SEMA5A: variants seen among roughly 807,000 people sequenced by gnomAD.
SEMA5A encodes semaphorin 5A, also known as semaphorin-5A.
In SEMA5A, 55 loss-of-function variants were observed where a neutral mutation model predicts 135.5. The observed-to-expected ratio is 0.41, with a 90% CI of 0.33 to 0.51. SEMA5A has a LOEUF of 0.51. Among genes scored for constraint, SEMA5A ranks in the 20% least tolerant of loss-of-function variants. SEMA5A has a pLI of 0.37. For synonymous variants in SEMA5A, 580 were observed against 546.5 expected (o/e 1.06, Z -0.85); for missense variants, 1,290 against 1,419.9 (o/e 0.91, Z 1.47).
chr5:9,164,139 T>C (rs1479611376), intron 11 of SEMA5A, among the ~76,000 whole-genome samples: 6 of 133,730 alleles, frequency 4.5e-5, no homozygotes, highest in Non-Finnish European at 9.3e-5. Flanking sequence ...TAAATATTTA[T>C]ATAATTATAA....
At chr5:9,083,190 G>T (rs1251677174) in intron 16 of SEMA5A, among the ~76,000 whole-genome samples, 1 of 152,198 alleles carries the variant, frequency 6.6e-6, no homozygotes, top group African/African-American at 2.4e-5. Flanking sequence ...GAACTCTTGG[G>T]TGTTTTCTTG....
rs552022141 is a variant in SEMA5A at position 9,100,314 on chromosome 5, C to T, written c.2073+7826G>A. ...GCACAGCCCCTCAGCCTCCTGTGGTCCCAGCTGCGGGCAAAATGGTGGTCA... is the reference window on the plus strand; with the variant it reads ...GCACAGCCCCTCAGCCTCCTGTGGTTCCAGCTGCGGGCAAAATGGTGGTCA... On this transcript the variant is annotated intron_variant, in intron 16 of 22. Transcript: ENST00000382496. Among the ~76,000 whole-genome samples the T allele has an allele frequency of 4.0e-4, 61 of 152,260 alleles. 1 individual carries two copies. Among genetic ancestry groups the T allele is most frequent in the African/African-American group, 1.2e-3 (50 of 41,556 alleles).
intron 16 of SEMA5A, among the ~76,000 whole-genome samples, chr5:9,097,824 C>A (rs1000706917): frequency 6.6e-6 from 1 of 152,156 alleles, no homozygotes; most frequent in African/African-American, 2.4e-5. Context: ...TACAAAGATG[C>A]AAATGAATAC....
At chr5:9,117,713 G>T (rs1740596059) in intron 15 of SEMA5A, among the ~76,000 whole-genome samples, 1 of 152,094 alleles carries the variant, frequency 6.6e-6, no homozygotes, top group African/African-American at 2.4e-5. Flanking sequence ...TTTCAGATTA[G>T]GAATGTTCAA....
chr5:9,459,348 T>C (rs1478218115), intron 1 of SEMA5A, among the ~76,000 whole-genome samples: 1 of 152,214 alleles, frequency 6.6e-6, no homozygotes, highest in East Asian at 1.9e-4. Context: ...TTATATTATA[T>C]AAAATTGCAG....
intron 5 of SEMA5A, among the ~76,000 whole-genome samples, chr5:9,280,500 A>T (rs1214180452): frequency 3.3e-5 from 5 of 152,196 alleles, no homozygotes. Context: ...GTTAGTGCCT[A>T]TGTCCCTCAA....
At position 9,052,009 on chromosome 5, in the gene SEMA5A, C is replaced by T. The variant is rs759497526; in HGVS notation, c.2709G>A (p.Ser903=). The change falls in exon 20 of 23, where the codon TCG becomes TCA. Residue 903 remains serine, a synonymous_variant. Coordinates refer to ENST00000382496, the MANE Select transcript of SEMA5A (RefSeq NM_003966.3). ...QPCPESWSEW[S]DWSECEASGV... ...CAGAGGCTTCACACTCAGACCAGTC[C>T]GACCACTCCGACCAGCTCTCTGCAG... 75 of 1,608,842 alleles carry T rather than the reference C, an allele frequency of 4.7e-5. No individual in the cohort carries two copies. The highest frequency in any genetic ancestry group is 3.3e-4 in the Middle Eastern group (2 of 6,054).
Position 9,224,609 on chromosome 5 carries a change from GA to G in SEMA5A, c.646+64del. Reference sequence around the variant, plus strand: ...ATTTAGAGTGTTGTAGTTTGCTTTTGAGCACCAAATCACCAGGAATCAAAGA... The same window carrying G: ...ATTTAGAGTGTTGTAGTTTGCTTTTGGCACCAAATCACCAGGAATCAAAGA... On this transcript the variant is annotated intron_variant, in intron 8 of 22. Transcript: ENST00000382496. The G allele has an allele frequency of 2.0e-6, 3 of 1,470,894 alleles. 1 individual carries two copies. In the South Asian group the frequency reaches 3.5e-5, roughly 17 times the overall value. 91.1% of individuals were successfully genotyped at this position (1,470,894 alleles called of 1,614,324 possible).
chr5:9,167,605 T>G (rs1743684320), intron 11 of SEMA5A, among the ~76,000 whole-genome samples: 1 of 152,142 alleles, frequency 6.6e-6, no homozygotes, highest in Non-Finnish European at 1.5e-5. Context: ...CAGGCAGCCA[T>G]CTCCCCATCC....
At chr5:9,239,495 T>G (rs1405382560) in intron 5 of SEMA5A, among the ~76,000 whole-genome samples, 4 of 152,176 alleles carry the variant, frequency 2.6e-5, no homozygotes, top group Non-Finnish European at 5.9e-5. Flanking sequence ...AATAAATGTG[T>G]TGTTGTTCAT....
At chr5:9,513,698 C>T (rs879378481) in intron 1 of SEMA5A, among the ~76,000 whole-genome samples, 1 of 152,176 alleles carries the variant, frequency 6.6e-6, no homozygotes, top group African/African-American at 2.4e-5. Context: ...GAAGCCTTTC[C>T]TAACAATCTA....
intron 5 of SEMA5A, among the ~76,000 whole-genome samples, chr5:9,277,422 C>T (rs905586167): frequency 6.6e-6 from 1 of 152,150 alleles, no homozygotes; most frequent in South Asian, 2.1e-4. Context: ...CCTGAAGGAT[C>T]TAGAACTAGA....
chr5:9,406,509 G>A (rs993129693), intron 2 of SEMA5A, among the ~76,000 whole-genome samples: 1 of 152,102 alleles, frequency 6.6e-6, no homozygotes, highest in Non-Finnish European at 1.5e-5. Flanking sequence ...AATAAAAGGA[G>A]TTATAAATAT....
At chr5:9,438,589 G>A (rs1418705755) in intron 1 of SEMA5A, among the ~76,000 whole-genome samples, 1 of 152,182 alleles carries the variant, frequency 6.6e-6, no homozygotes, top group African/African-American at 2.4e-5. Flanking sequence ...TATGAGAAAT[G>A]TGTTCATCAC....
chr5:9,363,616 T>G (rs565090193), intron 3 of SEMA5A, among the ~76,000 whole-genome samples: 1 of 152,336 alleles, frequency 6.6e-6, no homozygotes, highest in African/African-American at 2.4e-5. Flanking sequence ...CTTTGGGAGA[T>G]ATCCTTCTCT....
At chr5:9,188,260 C>T (rs2150342697) in intron 11 of SEMA5A, among the ~76,000 whole-genome samples, 1 of 152,288 alleles carries the variant, frequency 6.6e-6, no homozygotes, top group South Asian at 2.1e-4. Flanking sequence ...TCATCAGCCA[C>T]CATGATCTTA....
chr5:9,068,001 T>G (rs1476752763), intron 16 of SEMA5A, among the ~76,000 whole-genome samples: 1 of 152,214 alleles, frequency 6.6e-6, no homozygotes, highest in Admixed American at 6.5e-5. Flanking sequence ...TGTTATTGTA[T>G]GCTATTCTTA....
chr5:9,197,072 G>T (rs1032963694), intron 10 of SEMA5A, 96 bp downstream of exon 10: 1 of 1,525,514 alleles, frequency 6.6e-7, no homozygotes, highest in Non-Finnish European at 9.0e-7. Context: ...CATGGTGCAT[G>T]CACCCGCGGT....
intron 1 of SEMA5A, among the ~76,000 whole-genome samples, chr5:9,472,462 G>A (rs956184177): frequency 6.6e-6 from 1 of 152,216 alleles, no homozygotes; most frequent in Non-Finnish European, 1.5e-5. Flanking sequence ...GACAGAGTTA[G>A]TTTTATTGAG....
Sources: allele counts gnomAD v4.1 joint callset (sites outside exome capture counted in the v4.1 genomes callset), GRCh38; gene constraint gnomAD v4.1.1; transcripts MANE v1.5; gene names NCBI Gene and HGNC (gene_info 2026-07-23, HGNC 2026-07-21).